Variants in GRM1 observed in about 807,000 individuals in gnomAD.
GRM1 encodes the protein metabotropic glutamate receptor 1.
In GRM1, 33 loss-of-function variants were observed where a neutral mutation model predicts 90.9. The ratio of observed to expected loss-of-function variants is 0.36; its 90% CI spans 0.28 to 0.49. GRM1 has a LOEUF of 0.49. Ranked by LOEUF, GRM1 falls within the 20% of genes least tolerant of loss-of-function variation. GRM1 has a pLI of 0.99. For missense variants in GRM1, 1,190 were observed against 1,534.3 expected (o/e 0.78, Z 3.75); for synonymous variants, 700 against 613.2 (o/e 1.14, Z -2.09).
intron 3 of GRM1, among the ~76,000 whole-genome samples, chr6:146,336,578 T>C (rs923003573): frequency 6.6e-6 from 1 of 152,176 alleles, no homozygotes. Context: ...GGGTTGATTT[T>C]AGCAACACTC....
chr6:146,146,429 A>G (rs1246509262), intron 1 of GRM1, among the ~76,000 whole-genome samples: 1 of 151,830 alleles, frequency 6.6e-6, no homozygotes, highest in African/African-American at 2.4e-5. Flanking sequence ...TTGATTTCAC[A>G]TGTTCCCAGA....
intron 6 of GRM1, among the ~76,000 whole-genome samples, chr6:146,388,130 CTT>C (rs1422401161): frequency 1.3e-5 from 2 of 152,012 alleles, no homozygotes; most frequent in African/African-American, 2.4e-5. Flanking sequence ...ATTCATAAAA[CTT>C]TGCATAAATT....
intron 1 of GRM1, among the ~76,000 whole-genome samples, chr6:146,102,828 A>G (rs1169430078): frequency 6.6e-6 from 1 of 152,250 alleles, no homozygotes; most frequent in Non-Finnish European, 1.5e-5. Context: ...ATGGAAGAGA[A>G]AACTTGTAAA....
At chr6:146,420,474 G>A (rs1354066870) in intron 7 of GRM1, among the ~76,000 whole-genome samples, 1 of 152,248 alleles carries the variant, frequency 6.6e-6, no homozygotes, top group Non-Finnish European at 1.5e-5. Flanking sequence ...ACTCAGCTCA[G>A]TCAGTGGTTG....
intron 7 of GRM1, among the ~76,000 whole-genome samples, chr6:146,425,178 ATGGATTAACTT>A (rs1778152456): frequency 6.6e-6 from 1 of 151,612 alleles, no homozygotes; most frequent in East Asian, 1.9e-4. Flanking sequence ...AATTGTACAT[ATGGATTAACTT>A]TGTTTTTTCT....
At chr6:146,154,155 G>A (rs1018282977) in intron 1 of GRM1, among the ~76,000 whole-genome samples, 8 of 152,172 alleles carry the variant, frequency 5.3e-5, no homozygotes, top group Non-Finnish European at 1.2e-4. Context: ...TAACCTGCAT[G>A]TGTTTTCAAA....
At chr6:146,231,241 G>A (rs1780441821) in intron 2 of GRM1, among the ~76,000 whole-genome samples, 1 of 152,120 alleles carries the variant, frequency 6.6e-6, no homozygotes, top group Non-Finnish European at 1.5e-5. Context: ...AATGGAGGAA[G>A]CTAAGCACAC....
chr6:146,104,540 T>TTGG (rs1554266879), intron 1 of GRM1, among the ~76,000 whole-genome samples: 1 of 151,886 alleles, frequency 6.6e-6, no homozygotes, highest in African/African-American at 2.4e-5. Context: ...ATGTTTCATA[T>TTGG]GGGGGGGCAT....
At chr6:146,085,014 TAA>T (rs1776492865) in intron 1 of GRM1, among the ~76,000 whole-genome samples, 1 of 152,176 alleles carries the variant, frequency 6.6e-6, no homozygotes, top group South Asian at 2.1e-4. Context: ...AGAAGCATGT[TAA>T]GTGTCTCCAT....
At chr6:146,237,712 C>A (rs1227382301) in intron 2 of GRM1, among the ~76,000 whole-genome samples, 1 of 152,078 alleles carries the variant, frequency 6.6e-6, no homozygotes, top group Non-Finnish European at 1.5e-5. Flanking sequence ...AGAGTTTGAT[C>A]AGTGTCATTG....
intron 5 of GRM1, among the ~76,000 whole-genome samples, chr6:146,381,548 A>C (rs1210847465): frequency 2.0e-5 from 3 of 152,162 alleles, no homozygotes; most frequent in African/African-American, 7.2e-5. Context: ...CTGACTCTAC[A>C]GTGCCTCTTT....
chr6:146,161,267 G>A (rs1184200306), intron 2 of GRM1, among the ~76,000 whole-genome samples: 1 of 152,068 alleles, frequency 6.6e-6, no homozygotes, highest in East Asian at 1.9e-4. Context: ...AAAAGATGTG[G>A]CAAACCTGTG....
At chr6:146,356,808 G>A (rs1362821904) in intron 4 of GRM1, among the ~76,000 whole-genome samples, 3 of 152,108 alleles carry the variant, frequency 2.0e-5, no homozygotes, top group Non-Finnish European at 2.9e-5. Flanking sequence ...TACATATATG[G>A]TGTGTGGTGT....
At chr6:146,257,687 G>T (rs969298475) in intron 2 of GRM1, among the ~76,000 whole-genome samples, 2 of 152,220 alleles carry the variant, frequency 1.3e-5, no homozygotes, top group African/African-American at 4.8e-5. Context: ...CCAGATGAGG[G>T]CAGGAGAAGA....
upstream of GRM1, among the ~76,000 whole-genome samples, chr6:146,028,267 G>GTA (rs1790568566): frequency 1.4e-5 from 2 of 143,024 alleles, no homozygotes; most frequent in Admixed American, 6.8e-5. Flanking sequence ...GTGTGTGTGT[G>GTA]TGTGTGTGTG....
chr6:146,220,340 T>G (rs1002715116), intron 2 of GRM1, among the ~76,000 whole-genome samples: 1 of 152,102 alleles, frequency 6.6e-6, no homozygotes, highest in Non-Finnish European at 1.5e-5. Flanking sequence ...TTTTAAGAAA[T>G]TTTTTTCACA....
intron 4 of GRM1, among the ~76,000 whole-genome samples, chr6:146,354,205 G>C (rs749675283): frequency 1.3e-5 from 2 of 152,198 alleles, no homozygotes; most frequent in Non-Finnish European, 2.9e-5. Context: ...TGAGGTAGAT[G>C]GAATGATTCA....
At chr6:146,225,283 G>A (rs919206399) in intron 2 of GRM1, among the ~76,000 whole-genome samples, 2 of 152,092 alleles carry the variant, frequency 1.3e-5, no homozygotes, top group African/African-American at 4.8e-5. Flanking sequence ...ATTAAGGAAC[G>A]TATCTTGAGT....
At chr6:146,313,813 C>T (rs968798837) in intron 3 of GRM1, among the ~76,000 whole-genome samples, 4 of 152,044 alleles carry the variant, frequency 2.6e-5, no homozygotes, top group African/African-American at 9.7e-5. Flanking sequence ...GAACATATTG[C>T]TTCTCAAATT....
Sources: gnomAD v4.1 joint callset for allele counts (sites outside exome capture counted in the v4.1 genomes callset) on GRCh38, gnomAD v4.1.1 for gene constraint, MANE v1.5 for transcripts, NCBI Gene and HGNC (gene_info 2026-07-23, HGNC 2026-07-21) for gene names.